The following PIEZO2 variants were observed in gnomAD, a reference collection of about 807,000 sequenced individuals.
PIEZO2 encodes the protein piezo type mechanosensitive ion channel component 2.
PIEZO2 carries 172 observed loss-of-function variants against 337.3 expected under a neutral mutation model. That is an observed-to-expected ratio of 0.51 (90% CI 0.45 to 0.58). The LOEUF is 0.58. Among genes scored for constraint, PIEZO2 ranks in the 20% least tolerant of loss-of-function variants. The probability of loss-of-function intolerance (pLI) is 0.00; values close to 1 mark genes in which losing one functional copy is unlikely to be tolerated. For missense variants in PIEZO2, 3,028 were observed against 3,391.3 expected (o/e 0.89, Z 2.66); for synonymous variants, 1,251 against 1,228.5 (o/e 1.02, Z -0.38).
chr18:10,893,022 C>G (rs1260059865), intron 4 of PIEZO2, among the ~76,000 whole-genome samples: 1 of 152,092 alleles, frequency 6.6e-6, no homozygotes, highest in Non-Finnish European at 1.5e-5. Flanking sequence ...GGGGATTTCC[C>G]TAATAGAAAA....
In PIEZO2 at chr18:10,787,107, G is replaced by C; in HGVS notation, c.2247C>G (p.Ile749Met). 1 of 1,535,282 alleles carries C rather than the reference G, an allele frequency of 6.5e-7. No homozygotes were observed. Among genetic ancestry groups the C allele is most frequent in the Non-Finnish European group, 8.7e-7 (1 of 1,145,764 alleles). The change falls in exon 16 of 56, where the codon ATC becomes ATG. Residue 749 changes from isoleucine (I) to methionine (M), a missense_variant. This residue lies in a region of PIEZO2 where 1,925 missense variants were observed against 2,051.9 expected (regional missense o/e 0.94). Coordinates refer to ENST00000674853, the MANE Select transcript of PIEZO2 (RefSeq NM_001378183.1). ...TCTCAAACTGATATGTGTATATAAA[G>C]ATAAGCACCAGCATAGTGTAAATAA... Reference protein sequence around the residue: ...SVVIYTMLVLIFIYTYQFENF... With the variant: ...SVVIYTMLVLMFIYTYQFENF...
rs2041069423 is a variant in PIEZO2 at position 10,837,945 on chromosome 18, T to C, written c.917+17408A>G. ...TTTTGTATTTTTAGTAGAGACGGGG[T>C]TTCGTCATGTTGGCCAGGCTGGTCT... is the stretch of plus-strand genomic sequence containing the variant. On this transcript the variant is annotated intron_variant, in intron 7 of 55. Transcript: ENST00000674853. The surrounding 1 kb of genome is among the most constrained non-coding windows in gnomAD (Gnocchi z 4.4). Among the ~76,000 whole-genome samples the C allele has an allele frequency of 6.6e-6, 1 of 151,880 alleles. No individual in the cohort carries two copies. The highest frequency in any genetic ancestry group is 1.5e-5 in the Non-Finnish European group (1 of 67,988).
intron 1 of PIEZO2, among the ~76,000 whole-genome samples, chr18:11,074,823 A>G (rs936290985): frequency 2.0e-5 from 3 of 152,256 alleles, no homozygotes; most frequent in African/African-American, 7.2e-5. Context: ...CTGCACTATG[A>G]TCACAGAGAG....
In PIEZO2 at chr18:11,040,778, C is replaced by A. The variant is rs375482225; in HGVS notation, c.160+25349G>T. ...TAAGTCAGTTCTTAGTGCCACTTTT[C>A]TTCCCAATAAATTTGATTTTCATGA... On this transcript the variant is annotated intron_variant, in intron 2 of 55. Transcript: ENST00000674853. 3.9e-5 allele frequency among the ~76,000 whole-genome samples: 6 copies of A among 152,260 alleles called. No homozygotes were observed. In the East Asian group the frequency reaches 9.7e-4, roughly 25 times the overall value.
rs1011565882 is a variant in PIEZO2 at position 10,726,859 on chromosome 18, C to G, written c.5029+4548G>C. On this transcript the variant is annotated intron_variant, in intron 36 of 55. Coordinates refer to ENST00000674853, the MANE Select transcript of PIEZO2 (RefSeq NM_001378183.1). The surrounding 1 kb of genome is among the most constrained non-coding windows in gnomAD (Gnocchi z 5.9). ...GCCCCACCTTATGCAGGACTTGGCACGCTACCGGCAGCAGCTGAAGCACAT... is the reference window on the plus strand; with the variant it reads ...GCCCCACCTTATGCAGGACTTGGCAGGCTACCGGCAGCAGCTGAAGCACAT... 24 of 1,595,268 alleles carry G rather than the reference C, an allele frequency of 1.5e-5. No homozygotes were observed. Among genetic ancestry groups the G allele is most frequent in the African/African-American group, 6.7e-5 (5 of 74,252 alleles).
intron 1 of PIEZO2, among the ~76,000 whole-genome samples, chr18:11,073,692 G>T (rs2038424684): frequency 6.6e-6 from 1 of 152,164 alleles, no homozygotes; most frequent in Admixed American, 6.5e-5. Context: ...TTTACTTGAT[G>T]TATGTGAAGA....
chr18:10,779,531 T>C (rs1446057466), intron 18 of PIEZO2, among the ~76,000 whole-genome samples: 1 of 152,232 alleles, frequency 6.6e-6, no homozygotes, highest in Non-Finnish European at 1.5e-5. Flanking sequence ...GTGATATGCA[T>C]CTGAAGGAAA....
rs561684538 is a variant in PIEZO2, at chr18:10,722,653, A to G, written c.5030-4394T>C. On this transcript the variant is annotated intron_variant, in intron 36 of 55. Transcript: ENST00000674853. ...TATACCATAACTAAATCAAAATATA[A>G]GTCTTGGGTTGGAAAAAATATCTGA... Among the ~76,000 whole-genome samples, 5 of 152,350 alleles carry G rather than the reference A, an allele frequency of 3.3e-5. No homozygotes were observed. The East Asian group carries it at 9.6e-4, about 29-fold the overall frequency.
At chr18:10,844,092 G>C (rs1186390404) in intron 7 of PIEZO2, among the ~76,000 whole-genome samples, 1 of 152,206 alleles carries the variant, frequency 6.6e-6, no homozygotes, top group African/African-American at 2.4e-5. Flanking sequence ...AGAAGTCAGA[G>C]AGAATTGGGC....
intron 2 of PIEZO2, among the ~76,000 whole-genome samples, chr18:10,996,780 T>C (rs563633220): frequency 2.6e-5 from 4 of 152,324 alleles, no homozygotes; most frequent in African/African-American, 9.6e-5. Flanking sequence ...TGCACATACA[T>C]GTATTTGTTT....
In PIEZO2 at chr18:11,048,367, T is replaced by G. The variant is rs991887239; in HGVS notation, c.160+17760A>C. Among the ~76,000 whole-genome samples the G allele has an allele frequency of 1.3e-5, 2 of 152,230 alleles. No individual in the cohort carries two copies. The highest frequency in any genetic ancestry group is 1.3e-4 in the Admixed American group (2 of 15,288). ...GGCCAAGCGGACTGCCTGGCCCATT[T>G]CAGACACTCAGTAATGCTTATTCTG... On this transcript the variant is annotated intron_variant, in intron 2 of 55. Transcript: ENST00000674853. The surrounding 1 kb of genome is among the most constrained non-coding windows in gnomAD (Gnocchi z 4.5).
At chr18:10,967,104 GC>G (rs781746668) in intron 3 of PIEZO2, among the ~76,000 whole-genome samples, 1 of 128,354 alleles carries the variant, frequency 7.8e-6, no homozygotes, top group Non-Finnish European at 1.6e-5. Flanking sequence ...TGCAACTTCT[GC>G]CTCCCAGGTT....
chr18:11,041,410 C>T (rs1223073776), intron 2 of PIEZO2, among the ~76,000 whole-genome samples: 2 of 151,858 alleles, frequency 1.3e-5, no homozygotes, highest in Admixed American at 1.3e-4. Context: ...GAAAGAGTGG[C>T]CTTGGAAGTT....
chr18:11,012,828 T>C (rs2145665694), intron 2 of PIEZO2, among the ~76,000 whole-genome samples: 1 of 152,324 alleles, frequency 6.6e-6, no homozygotes, highest in Middle Eastern at 3.4e-3. Context: ...AAAGATCACT[T>C]GAGCCCAGGA....
chr18:10,733,646 C>T (rs1196454023), intron 35 of PIEZO2, among the ~76,000 whole-genome samples: 1 of 152,108 alleles, frequency 6.6e-6, no homozygotes, highest in Admixed American at 6.5e-5. Flanking sequence ...GACGGGGTTT[C>T]ACTGTGTTAG....
rs200330580 is a variant in PIEZO2 at position 10,776,492 on chromosome 18, C to T, written c.2535-2454G>A. The stretch of plus-strand genomic sequence containing the variant: ...AGAGCCTGCACAATGATGGATGATA[C>T]GGAAGGTATTAAACTTAGACTATGA... On this transcript the variant is annotated intron_variant, in intron 18 of 55. Coordinates refer to ENST00000674853, the MANE Select transcript of PIEZO2 (RefSeq NM_001378183.1). Among the ~76,000 whole-genome samples, 13 of 152,184 alleles carry T rather than the reference C, an allele frequency of 8.5e-5. No individual in the cohort carries two copies. The East Asian group carries it at 2.1e-3, about 25-fold the overall frequency.
chr18:10,941,434 A>C (rs1224150886), intron 3 of PIEZO2, among the ~76,000 whole-genome samples: 1 of 152,206 alleles, frequency 6.6e-6, no homozygotes, highest in Non-Finnish European at 1.5e-5. Context: ...GTTTAGTATA[A>C]ATTTTAATTG....
chr18:10,995,218 G>A (rs1038264168), intron 2 of PIEZO2, among the ~76,000 whole-genome samples: 1 of 151,720 alleles, frequency 6.6e-6, no homozygotes, highest in African/African-American at 2.4e-5. Context: ...GCATTTCCCT[G>A]ATCGTTAGTG....
chr18:10,701,076 T>C (rs987910175), intron 43 of PIEZO2, among the ~76,000 whole-genome samples: 1 of 152,216 alleles, frequency 6.6e-6, no homozygotes, highest in Admixed American at 6.5e-5. Context: ...TATGTACGTG[T>C]ATGTATTAAC....
Sources: gnomAD v4.1 joint callset for allele counts (sites outside exome capture counted in the v4.1 genomes callset) on GRCh38, gnomAD v4.1.1 for gene constraint, gnomAD v4.1.1 regional missense constraint, Gnocchi (gnomAD v3.1) non-coding constraint, MANE v1.5 for transcripts, NCBI Gene and HGNC (gene_info 2026-07-23, HGNC 2026-07-21) for gene names.